DCC: variants seen among roughly 807,000 people sequenced by gnomAD.
The protein encoded by DCC is DCC netrin 1 receptor, also known as netrin receptor DCC.
Under a neutral mutation model 172.5 loss-of-function variants are expected in DCC, and 58 were observed. The observed-to-expected ratio is 0.34, with a 90% CI of 0.27 to 0.42. The LOEUF (loss-of-function observed/expected upper bound fraction) is 0.42. DCC is among the 10% of genes least tolerant of loss of function. The probability of loss-of-function intolerance (pLI) is 1.00; values close to 1 mark genes in which losing one functional copy is unlikely to be tolerated. For missense variants in DCC, 1,740 were observed against 1,791.0 expected, an observed-to-expected ratio of 0.97 and a Z score of 0.51; for synonymous variants, 709 against 644.5, an observed-to-expected ratio of 1.10 and a Z score of -1.52.
At chr18:53,044,865 G>A (rs1027426875) in intron 5 of DCC, among the ~76,000 whole-genome samples, 1 of 151,778 alleles carries the variant, frequency 6.6e-6, no homozygotes, top group Non-Finnish European at 1.5e-5. Context: ...GTCAACGAGT[G>A]CAAAAACATT....
At chr18:53,433,549 A>G (rs1410918509) in intron 21 of DCC, among the ~76,000 whole-genome samples, 1 of 152,154 alleles carries the variant, frequency 6.6e-6, no homozygotes, top group Non-Finnish European at 1.5e-5. Flanking sequence ...AGTTGCTAGA[A>G]AAGTCATCTT....
intron 12 of DCC, among the ~76,000 whole-genome samples, chr18:53,282,418 G>A (rs111518427): frequency 1.3e-5 from 2 of 152,198 alleles, no homozygotes; most frequent in African/African-American, 4.8e-5. Flanking sequence ...TCATACAGAA[G>A]AGGCAAGAAG....
intron 5 of DCC, among the ~76,000 whole-genome samples, chr18:53,047,390 A>G (rs1450032328): frequency 8.1e-6 from 1 of 123,716 alleles, no homozygotes; most frequent in African/African-American, 3.0e-5. Flanking sequence ...TATATATTAT[A>G]TAAAATATGT....
chr18:52,449,566 G>A (rs371855239), intron 1 of DCC, among the ~76,000 whole-genome samples: 6 of 152,196 alleles, frequency 3.9e-5, no homozygotes, highest in African/African-American at 1.4e-4. Context: ...ACAATGAAAC[G>A]ATGACACTTG....
intron 1 of DCC, among the ~76,000 whole-genome samples, chr18:52,488,511 AG>A (rs778625780): frequency 1.3e-5 from 2 of 152,072 alleles, no homozygotes; most frequent in Non-Finnish European, 2.9e-5. Flanking sequence ...GAAAATCTGC[AG>A]GTAGAAAGGA....
intron 25 of DCC, among the ~76,000 whole-genome samples, chr18:53,478,842 A>G (rs1307259528): frequency 4.6e-5 from 7 of 152,208 alleles, no homozygotes; most frequent in African/African-American, 1.2e-4. Context: ...CTGGAGTTCT[A>G]TTGACTCTAG....
At chr18:52,608,518 C>G (rs1365939939) in intron 1 of DCC, among the ~76,000 whole-genome samples, 2 of 152,160 alleles carry the variant, frequency 1.3e-5, no homozygotes, top group South Asian at 2.1e-4. Flanking sequence ...GACCTCTAGG[C>G]AGAGAGTATG....
chr18:52,642,084 A>C (rs1425995453), intron 1 of DCC, among the ~76,000 whole-genome samples: 1 of 46,016 alleles, frequency 2.2e-5, no homozygotes, highest in African/African-American at 6.0e-5. Context: ...ATATATACAC[A>C]CACACACACA....
intron 8 of DCC, among the ~76,000 whole-genome samples, chr18:53,175,817 G>GA (rs1311751222): frequency 1.3e-5 from 2 of 151,720 alleles, no homozygotes; most frequent in African/African-American, 2.4e-5. Flanking sequence ...CACAGAATTG[G>GA]AAAAAACTAC....
At chr18:53,104,879 G>A (rs934589430) in intron 7 of DCC, among the ~76,000 whole-genome samples, 1 of 152,030 alleles carries the variant, frequency 6.6e-6, no homozygotes, top group Non-Finnish European at 1.5e-5. Context: ...TGTCTGTGCA[G>A]TCTCCTAGAG....
At chr18:53,231,291 C>A (rs1308084919) in intron 12 of DCC, among the ~76,000 whole-genome samples, 1 of 151,976 alleles carries the variant, frequency 6.6e-6, no homozygotes, top group Non-Finnish European at 1.5e-5. Context: ...TGGTACTATT[C>A]TTGGGAAATA....
chr18:52,797,830 C>G (rs2037905593), intron 2 of DCC, among the ~76,000 whole-genome samples: 1 of 152,184 alleles, frequency 6.6e-6, no homozygotes, highest in African/African-American at 2.4e-5. Flanking sequence ...GGTCCCCGGA[C>G]AGTACATTCA....
intron 1 of DCC, among the ~76,000 whole-genome samples, chr18:52,634,240 A>C (rs1022575695): frequency 2.6e-5 from 4 of 152,202 alleles, no homozygotes; most frequent in African/African-American, 4.8e-5. Flanking sequence ...AATAAATTTT[A>C]ATCGGTTAGG....
At chr18:52,850,224 C>A (rs1416527619) in intron 2 of DCC, among the ~76,000 whole-genome samples, 1 of 152,152 alleles carries the variant, frequency 6.6e-6, no homozygotes, top group Admixed American at 6.5e-5. Flanking sequence ...AATAATCAGT[C>A]AAAATTTGGA....
At chr18:52,701,381 A>G (rs960980493) in intron 1 of DCC, among the ~76,000 whole-genome samples, 82 of 152,228 alleles carry the variant, frequency 5.4e-4, no homozygotes, top group Admixed American at 6.5e-4. Flanking sequence ...TGTAAGCTCA[A>G]TGGGACAACT....
intron 5 of DCC, among the ~76,000 whole-genome samples, chr18:53,021,406 T>C (rs1477022760): frequency 6.6e-6 from 1 of 152,202 alleles, no homozygotes; most frequent in Non-Finnish European, 1.5e-5. Context: ...TAATGACTAT[T>C]ATTATATCGT....
At chr18:52,943,558 A>G (rs966425514) in intron 5 of DCC, among the ~76,000 whole-genome samples, 1 of 152,168 alleles carries the variant, frequency 6.6e-6, no homozygotes, top group East Asian at 1.9e-4. Context: ...TTGATGCATG[A>G]AAGCACTTTC....
chr18:53,042,766 C>G (rs2042187332), intron 5 of DCC, among the ~76,000 whole-genome samples: 1 of 151,958 alleles, frequency 6.6e-6, no homozygotes, highest in African/African-American at 2.4e-5. Flanking sequence ...GAGATACTAT[C>G]TCATGCCAGT....
intron 23 of DCC, among the ~76,000 whole-genome samples, chr18:53,454,734 C>T (rs368276719): frequency 5.4e-4 from 82 of 152,214 alleles, no homozygotes; most frequent in East Asian, 2.5e-3. Context: ...TTAGTACTGA[C>T]GATGAAATGT....
Sources: gnomAD v4.1 joint callset for allele counts (sites outside exome capture counted in the v4.1 genomes callset) on GRCh38, gnomAD v4.1.1 for gene constraint, MANE v1.5 for transcripts, NCBI Gene and HGNC (gene_info 2026-07-23, HGNC 2026-07-21) for gene names.